Variants in ANKLE2 observed in about 807,000 individuals in gnomAD.
ANKLE2 encodes the protein ankyrin repeat and LEM domain containing 2.
Under a neutral mutation model 84.2 loss-of-function variants are expected in ANKLE2, and 55 were observed. That is an observed-to-expected ratio of 0.65 (90% confidence interval 0.53 to 0.82). The LOEUF is 0.82. Among genes scored for constraint, ANKLE2 ranks in the 40% least tolerant of loss-of-function variants. The pLI is 0.00. For synonymous variants in ANKLE2, 551 were observed against 486.1 expected (o/e 1.13, Z -1.76); for missense variants, 1,238 against 1,201.9 (o/e 1.03, Z -0.44).
chr12:132,751,857 A>C (rs1236580752), intron 2 of ANKLE2, among the ~76,000 whole-genome samples: 1 of 152,076 alleles, frequency 6.6e-6, no homozygotes, highest in Non-Finnish European at 1.5e-5. Context: ...ATGCCTTTTT[A>C]AACATGCCAA....
In ANKLE2 at chr12:132,730,251, C is replaced by T; in HGVS notation, c.1911G>A (p.Val637=). The T allele has an allele frequency of 6.4e-7, 1 of 1,564,972 alleles. No homozygotes were observed. Among genetic ancestry groups the T allele is most frequent in the Non-Finnish European group, 8.7e-7 (1 of 1,154,048 alleles). Residue 637 remains valine, a synonymous_variant, in exon 11 of 13, where the codon GTG becomes GTA. Transcript: ENST00000357997. ...ATTSGSNSIS[V]RAFLDEDDMS... ...TGTCATCTTCATCTAGAAACGCCCT[C>T]ACGGAAATGGAATTGCTGCCTGTGA...
In ANKLE2 at chr12:132,727,559, AC is replaced by A. The variant is rs1566007073; in HGVS notation, c.2616-117del. 0.024 allele frequency: 26,437 copies of A among 1,105,504 alleles called. 2,126 individuals carry two copies. Among genetic ancestry groups the A allele is most frequent in the Middle Eastern group, 0.075 (353 of 4,680 alleles). The allele number at this position is 1,105,504 out of a possible 1,614,324, so 68.5% of individuals were successfully genotyped here. On this transcript the variant is annotated intron_variant, in intron 12 of 12. Transcript: ENST00000357997. ...ACATGCGCCCGGGCGGAGGAGAGGCACTGGTGAACCCTGGCACCGCGGGCAC... is the reference window on the plus strand; with the variant it reads ...ACATGCGCCCGGGCGGAGGAGAGGCATGGTGAACCCTGGCACCGCGGGCAC...
At chr12:132,753,811 G>A (rs1022181216) in intron 2 of ANKLE2, among the ~76,000 whole-genome samples, 23 of 152,012 alleles carry the variant, frequency 1.5e-4, no homozygotes, top group African/African-American at 5.3e-4. Flanking sequence ...TATGCCTGTG[G>A]TCCCAGCTAC....
rs1256478053 is a variant in ANKLE2, at chr12:132,741,304, G to A, written c.1420+115C>T. 5 of 1,003,794 alleles carry A rather than the reference G, an allele frequency of 5.0e-6. No homozygotes were observed. The East Asian group carries it at 1.2e-4, about 24-fold the overall frequency. 62.2% of individuals were successfully genotyped at this position (1,003,794 alleles called of 1,614,324 possible). On this transcript the variant is annotated intron_variant, in intron 7 of 12. Coordinates refer to ENST00000357997, the MANE Select transcript of ANKLE2 (RefSeq NM_015114.3). Reference sequence around the variant, plus strand: ...TGATCCCGAGGAGAGGCTTCCGAGGGGAGCCGGCACACGCCCGGGGAGCTC... The same window carrying A: ...TGATCCCGAGGAGAGGCTTCCGAGGAGAGCCGGCACACGCCCGGGGAGCTC...
chr12:132,735,222 C>T (rs765200703), intron 9 of ANKLE2, 184 bp downstream of exon 9: 187 of 606,554 alleles, frequency 3.1e-4, no homozygotes, highest in Non-Finnish European at 4.6e-4. Flanking sequence ...AGGTCTGGGA[C>T]GGGACTGGCT....
chr12:132,741,579 A>C (rs1417704326), intron 6 of ANKLE2, 94 bp from the exon 7 acceptor site: 2 of 1,152,778 alleles, frequency 1.7e-6, no homozygotes, highest in Non-Finnish European at 2.6e-6. Flanking sequence ...AACTCAGTAA[A>C]GTAGAATAGT....
At chr12:132,734,331 C>G in intron 10 of ANKLE2, 54 bp downstream of exon 10, 1 of 1,588,284 alleles carries the variant, frequency 6.3e-7, no homozygotes, top group Non-Finnish European at 8.6e-7. Flanking sequence ...CCCGTCAGAC[C>G]CCGGCCATGG....
In ANKLE2 at chr12:132,751,079, T is replaced by C. The variant is rs2044345496; in HGVS notation, c.641-230A>G. On this transcript the variant is annotated intron_variant, in intron 2 of 12. Coordinates refer to ENST00000357997, the MANE Select transcript of ANKLE2 (RefSeq NM_015114.3). The stretch of plus-strand genomic sequence containing the variant: ...ACATGATATATATTATGTTCATATA[T>C]GTAATTCTATATGCCAAGATTCTAT... 1.5e-5 allele frequency: 6 copies of C among 410,342 alleles called. 1 individual carries two copies. In the South Asian group the frequency reaches 3.1e-4, roughly 21 times the overall value. 25.4% of individuals were successfully genotyped at this position (410,342 alleles called of 1,614,324 possible).
At chr12:132,738,751 C>G (rs1555238669) in intron 7 of ANKLE2, 2 of 152,200 alleles carry the variant, frequency 1.3e-5, no homozygotes, top group Non-Finnish European at 2.9e-5. Context: ...GTCTCGATCT[C>G]CTGACCTTGT....
chr12:132,759,929 T>A (rs548935381), intron 1 of ANKLE2: 2 of 151,518 alleles, frequency 1.3e-5, no homozygotes, highest in Non-Finnish European at 2.9e-5. Context: ...AGGTCAGGAA[T>A]TCGAGACCAT....
chr12:132,736,777 G>T, intron 8 of ANKLE2, 116 bp downstream of exon 8: 1 of 1,231,612 alleles, frequency 8.1e-7, no homozygotes, highest in Admixed American at 2.5e-5. Context: ...GGACAACCTT[G>T]GGGCTCCACA....
Position 132,726,893 on chromosome 12 carries a change from T to C in ANKLE2, c.*349A>G, listed in dbSNP as rs561967913. On this transcript the variant is annotated 3_prime_UTR_variant, in exon 13 of 13. Coordinates refer to ENST00000357997, the MANE Select transcript of ANKLE2 (RefSeq NM_015114.3). Reference sequence around the variant, plus strand: ...CTCCTCATCCACAGCGTCTGTCGGATGAGGTGAGTACAGGGTAAGTACAGG... The same window carrying C: ...CTCCTCATCCACAGCGTCTGTCGGACGAGGTGAGTACAGGGTAAGTACAGG... 2.8e-5 allele frequency: 6 copies of C among 217,334 alleles called. No homozygotes were observed. The East Asian group carries it at 5.7e-4, about 21-fold the overall frequency. 13.5% of individuals were successfully genotyped at this position (217,334 alleles called of 1,614,324 possible).
At chr12:132,741,740 T>C (rs2044127708) in intron 6 of ANKLE2, 1 of 606,998 alleles carries the variant, frequency 1.6e-6, no homozygotes. Context: ...ATTTTCTAAC[T>C]GTCTGCAAGG....
Position 132,761,761 on chromosome 12 carries a change from G to T in ANKLE2, c.38C>A (p.Ala13Glu). The change falls in exon 1 of 13, where the codon GCG becomes GAG. Residue 13 changes from alanine (A) to glutamate (E), a missense_variant. Transcript: ENST00000357997. The part of the protein sequence containing the change: ...WPRLAAAEWA[A>E]LAWELLGASV... ...GGCGCCCAGCAGCTCCCAGGCCAGC[G>T]CCGCCCACTCGGCCGCCGCCAGCCG... 2 of 1,200,506 alleles carry T rather than the reference G, an allele frequency of 1.7e-6. No homozygotes were observed. The highest frequency in any genetic ancestry group is 2.1e-6 in the Non-Finnish European group (2 of 967,580). 74.4% of individuals were successfully genotyped at this position (1,200,506 alleles called of 1,614,324 possible). A position where few individuals can be genotyped will look rare whatever the true frequency, so the allele number is the denominator to read the frequency against.
At position 132,730,193 on chromosome 12, in the gene ANKLE2, CATTTTGCCG is replaced by C; in HGVS notation, c.1960_1968del (p.Arg654_Asn656del). The C allele has an allele frequency of 4.4e-6, 7 of 1,601,034 alleles. No individual in the cohort carries two copies. Among genetic ancestry groups the C allele is most frequent in the Non-Finnish European group, 6.0e-6 (7 of 1,173,556 alleles). The stretch of plus-strand genomic sequence containing the variant: ...GTGGGCGGGCTGTTATTTCGAGCTG[CATTTTGCCG>C]ATTTTTTATTTCTTCCAAGCTCATG... On this transcript the variant is annotated inframe_deletion, in exon 11 of 13. Coordinates refer to ENST00000357997, the MANE Select transcript of ANKLE2 (RefSeq NM_015114.3).
intron 11 of ANKLE2, 44 bp from the exon 12 acceptor site, chr12:132,728,207 C>A: frequency 2.5e-6 from 4 of 1,596,426 alleles, no homozygotes; most frequent in South Asian, 2.3e-5. Flanking sequence ...TTGGTAAAAA[C>A]ATAAAGACTT....
At chr12:132,750,299 T>C (rs1007892227) in intron 3 of ANKLE2, among the ~76,000 whole-genome samples, 9 of 151,244 alleles carry the variant, frequency 6.0e-5, no homozygotes, top group South Asian at 2.1e-4. Flanking sequence ...AGCAGGTGGA[T>C]TGCTTAAGCC....
chr12:132,750,188 G>A (rs1268430821), intron 3 of ANKLE2, among the ~76,000 whole-genome samples: 1 of 125,386 alleles, frequency 8.0e-6, no homozygotes, highest in Admixed American at 9.8e-5. Context: ...CTGGGCGACA[G>A]AGCAAGACTC....
intron 5 of ANKLE2, among the ~76,000 whole-genome samples, chr12:132,747,265 C>T (rs2044258651): frequency 6.6e-6 from 1 of 151,816 alleles, no homozygotes; most frequent in African/African-American, 2.4e-5. Context: ...ACACCACAGC[C>T]CTGCGTGTCA....
Sources: allele counts gnomAD v4.1 joint callset (sites outside exome capture counted in the v4.1 genomes callset), GRCh38; gene constraint gnomAD v4.1.1; transcripts MANE v1.5; gene names NCBI Gene and HGNC (gene_info 2026-07-23, HGNC 2026-07-21).